Variants in KCNQ2 observed in about 807,000 individuals in gnomAD.
KCNQ2 encodes the protein potassium voltage-gated channel subfamily Q member 2.
A neutral mutation model predicts 84.8 loss-of-function variants in KCNQ2; 14 were observed. The observed-to-expected ratio is 0.17, with a 90% CI of 0.11 to 0.26. The LOEUF (loss-of-function observed/expected upper bound fraction) is 0.26. KCNQ2 is among the 10% of genes least tolerant of loss of function. The pLI is 1.00. For missense variants in KCNQ2, 788 were observed against 1,254.0 expected, an observed-to-expected ratio of 0.63 and a Z score of 5.61; for synonymous variants, 599 against 554.1, an observed-to-expected ratio of 1.08 and a Z score of -1.14.
intron 10 of KCNQ2, among the ~76,000 whole-genome samples, chr20:63,426,352 G>A (rs939703503): frequency 1.3e-5 from 2 of 152,218 alleles, no homozygotes; most frequent in Non-Finnish European, 2.9e-5. Context: ...TCAGCATGAG[G>A]CTGTCTGGCC....
At chr20:63,410,023 C>A in intron 15 of KCNQ2, 1 of 281,630 alleles carries the variant, frequency 3.6e-6, no homozygotes, top group Non-Finnish European at 6.9e-6. Flanking sequence ...TTGCGAGAAA[C>A]AGAGAGGGTT....
intron 1 of KCNQ2, among the ~76,000 whole-genome samples, chr20:63,449,980 A>G (rs1303514962): frequency 6.6e-6 from 1 of 151,800 alleles, no homozygotes; most frequent in African/African-American, 2.4e-5. Context: ...CAGTGCCATC[A>G]CCAGCACCCA....
intron 1 of KCNQ2, among the ~76,000 whole-genome samples, chr20:63,458,623 C>G (rs112727949): frequency 8.5e-5 from 13 of 152,242 alleles, no homozygotes; most frequent in Admixed American, 3.3e-4. Flanking sequence ...CACTGTCCCC[C>G]CAGAGCAGCG....
rs912233198 is a variant in KCNQ2 at position 63,425,180 on chromosome 20, C to T, written c.1218-974G>A. 1.1e-4 allele frequency among the ~76,000 whole-genome samples: 17 copies of T among 152,186 alleles called. No homozygotes were observed. The highest frequency in any genetic ancestry group is 2.6e-4 in the Admixed American group (4 of 15,280). Reference sequence around the variant, plus strand: ...GGGCTCAAGCTGTCACCAGGCTCATCAGGATGTTCCAGGATGACCTCATCT... The same window carrying T: ...GGGCTCAAGCTGTCACCAGGCTCATTAGGATGTTCCAGGATGACCTCATCT... On this transcript the variant is annotated intron_variant, in intron 10 of 16. Transcript: ENST00000359125. This position sits in a 1 kb window ranked among gnomAD's most constrained non-coding sequence, Gnocchi z 5.5.
chr20:63,472,092 C>T, intron 1 of KCNQ2, 76 bp downstream of exon 1: 2 of 1,145,218 alleles, frequency 1.7e-6, no homozygotes, highest in Non-Finnish European at 2.4e-6. Flanking sequence ...CGCAGCCAGC[C>T]TGGCCGGGGT....
At chr20:63,461,811 G>A (rs1228962559) in intron 1 of KCNQ2, among the ~76,000 whole-genome samples, 1 of 146,104 alleles carries the variant, frequency 6.8e-6, no homozygotes, top group African/African-American at 2.6e-5. Context: ...CCCACCCCAG[G>A]GAGCAGGGAA....
At chr20:63,443,460 C>CCAT (rs1727603765) in intron 4 of KCNQ2, among the ~76,000 whole-genome samples, 2 of 17,610 alleles carry the variant, frequency 1.1e-4, no homozygotes, top group African/African-American at 2.0e-4. Context: ...ATCACCATCA[C>CCAT]CACCATCACC....
chr20:63,443,810 A>T (rs2081337233), intron 4 of KCNQ2: 1 of 152,266 alleles, frequency 6.6e-6, no homozygotes, highest in South Asian at 2.1e-4. Flanking sequence ...ACGGCAGCCC[A>T]TTCCCCTGAG....
chr20:63,445,196 C>T, intron 3 of KCNQ2, 42 bp downstream of exon 3: 3 of 1,613,608 alleles, frequency 1.9e-6, no homozygotes, highest in Non-Finnish European at 2.5e-6. Context: ...TCCCTGGGTG[C>T]CTGGCCCTGA....
intron 10 of KCNQ2, among the ~76,000 whole-genome samples, chr20:63,426,704 G>A (rs1429689838): frequency 6.6e-6 from 1 of 152,008 alleles, no homozygotes; most frequent in African/African-American, 2.4e-5. Flanking sequence ...CAGCCCAGTG[G>A]AGTCTCTGCC....
At chr20:63,411,133 G>C (rs1295441510) in intron 15 of KCNQ2, 1 of 404,314 alleles carries the variant, frequency 2.5e-6, no homozygotes, top group Non-Finnish European at 4.9e-6. Context: ...TTGAAAGCCA[G>C]CACCGGAGCT....
intron 1 of KCNQ2, among the ~76,000 whole-genome samples, chr20:63,455,633 C>T (rs1226943199): frequency 1.3e-5 from 2 of 152,216 alleles, no homozygotes; most frequent in African/African-American, 4.8e-5. Context: ...GGTCACCAGG[C>T]CAGAGGGGTG....
At chr20:63,433,996 C>G (rs2080912283) in intron 7 of KCNQ2, 93 bp from the exon 8 acceptor site, 2 of 1,100,522 alleles carry the variant, frequency 1.8e-6, no homozygotes, top group African/African-American at 1.6e-5. Context: ...GCAGAGGGGA[C>G]CCCCATGCTG....
chr20:63,428,896 A>G (rs1438333094), intron 9 of KCNQ2, among the ~76,000 whole-genome samples: 1 of 152,112 alleles, frequency 6.6e-6, no homozygotes, highest in Non-Finnish European at 1.5e-5. Context: ...AGGTGGGGAT[A>G]CAGAAAAGGA....
intron 8 of KCNQ2, 53 bp from the exon 9 acceptor site, chr20:63,431,422 G>C (rs927243104): frequency 6.3e-7 from 1 of 1,586,680 alleles, no homozygotes; most frequent in African/African-American, 1.3e-5. Context: ...ATTTCAAAAA[G>C]AACGGGATAA....
chr20:63,435,139 C>A (rs1226811044), intron 7 of KCNQ2, among the ~76,000 whole-genome samples: 1 of 152,174 alleles, frequency 6.6e-6, no homozygotes, highest in African/African-American at 2.4e-5. Flanking sequence ...CAGAGGCTCA[C>A]AACACCTTGG....
intron 3 of KCNQ2, 43 bp from the exon 4 acceptor site, chr20:63,444,877 C>T: frequency 6.5e-7 from 1 of 1,540,880 alleles, no homozygotes. Flanking sequence ...GGGCCGCTCC[C>T]CGCACCCCCT....
intron 12 of KCNQ2, 85 bp from the exon 13 acceptor site, chr20:63,415,211 C>T: frequency 8.0e-7 from 1 of 1,245,820 alleles, no homozygotes; most frequent in Non-Finnish European, 1.1e-6. Flanking sequence ...CTGCTCATGG[C>T]CGACGCCGCC....
chr20:63,459,400 G>A (rs1314474424), intron 1 of KCNQ2: 2 of 152,260 alleles, frequency 1.3e-5, no homozygotes, highest in East Asian at 1.9e-4. Flanking sequence ...CAGTCCCAGC[G>A]ACTCGGGAGA....
Sources: gnomAD v4.1 joint callset for allele counts (sites outside exome capture counted in the v4.1 genomes callset) on GRCh38, gnomAD v4.1.1 for gene constraint, Gnocchi (gnomAD v3.1) non-coding constraint, MANE v1.5 for transcripts, NCBI Gene and HGNC (gene_info 2026-07-23, HGNC 2026-07-21) for gene names.